The following SYNPR variants were observed in gnomAD, a reference collection of about 807,000 sequenced individuals.
The protein encoded by SYNPR is synaptoporin.
Under a neutral mutation model 32.9 loss-of-function variants are expected in SYNPR, and 23 were observed. That is an observed-to-expected ratio of 0.70 (90% CI 0.50 to 0.99). The LOEUF (loss-of-function observed/expected upper bound fraction) is 0.99, where lower values mean the gene tolerates loss of function less well. SYNPR is among the 50% of genes least tolerant of loss of function. The pLI, the probability that SYNPR is intolerant of heterozygous loss-of-function variation, is 0.00. For missense variants in SYNPR, 318 were observed against 349.3 expected (o/e 0.91, Z 0.71); for synonymous variants, 146 against 135.9 (o/e 1.07, Z -0.52).
intron 2 of SYNPR, among the ~76,000 whole-genome samples, chr3:63,322,867 A>G (rs1178421395): frequency 6.6e-6 from 1 of 152,114 alleles, no homozygotes; most frequent in Non-Finnish European, 1.5e-5. Context: ...GGAAGAGACT[A>G]CAAAATCAAG....
intron 2 of SYNPR, among the ~76,000 whole-genome samples, chr3:63,339,662 C>CTTT (rs34889673): frequency 1.4e-5 from 2 of 144,512 alleles, no homozygotes; most frequent in Non-Finnish European, 1.5e-5. Flanking sequence ...TCCTTGTGTT[C>CTTT]TTTTTTTTTT....
chr3:63,562,644 C>G (rs184418078), intron 4 of SYNPR, among the ~76,000 whole-genome samples: 1 of 152,130 alleles, frequency 6.6e-6, no homozygotes, highest in East Asian at 1.9e-4. Flanking sequence ...CTGGGAGAGA[C>G]GTAGTGCAAT....
chr3:63,342,227 G>A (rs2087379795), intron 2 of SYNPR, among the ~76,000 whole-genome samples: 1 of 152,124 alleles, frequency 6.6e-6, no homozygotes, highest in African/African-American at 2.4e-5. Flanking sequence ...TGTTTGCCTA[G>A]TCTTTCTCCA....
chr3:63,548,644 C>T (rs889856024), intron 3 of SYNPR, among the ~76,000 whole-genome samples: 10 of 152,110 alleles, frequency 6.6e-5, no homozygotes, highest in East Asian at 1.9e-4. Context: ...AAGTTCCTGT[C>T]GACTGGTAAA....
At chr3:63,383,721 G>A (rs2088005095) in intron 2 of SYNPR, among the ~76,000 whole-genome samples, 1 of 152,166 alleles carries the variant, frequency 6.6e-6, no homozygotes, top group Admixed American at 6.5e-5. Flanking sequence ...AAGAACAGGA[G>A]TGGGAAATAG....
intron 3 of SYNPR, among the ~76,000 whole-genome samples, chr3:63,533,319 T>C (rs1702142376): frequency 6.6e-6 from 1 of 152,180 alleles, no homozygotes; most frequent in African/African-American, 2.4e-5. Flanking sequence ...GGAAGAGAGC[T>C]CTGGAATACT....
chr3:63,502,929 T>C (rs1701510434), intron 3 of SYNPR, among the ~76,000 whole-genome samples: 1 of 152,200 alleles, frequency 6.6e-6, no homozygotes, highest in Admixed American at 6.5e-5. Context: ...GAAGCTACTA[T>C]AAACATCTCT....
intron 3 of SYNPR, among the ~76,000 whole-genome samples, chr3:63,503,323 GT>G (rs1172044285): frequency 1.3e-5 from 2 of 151,954 alleles, no homozygotes; most frequent in East Asian, 1.9e-4. Context: ...AGGTTTAGAA[GT>G]TTTTTGTGTA....
At chr3:63,202,064 A>G in the SYNPR span, among the ~76,000 whole-genome samples, 1 of 152,252 alleles carries the variant, frequency 6.6e-6, no homozygotes, top group Non-Finnish European at 1.5e-5. Context: ...CCCAGAATAT[A>G]TATTCAAAAG....
intron 1 of SYNPR, among the ~76,000 whole-genome samples, chr3:63,242,765 C>A (rs2086257912): frequency 6.6e-6 from 1 of 151,794 alleles, no homozygotes. Context: ...AATTTGCACA[C>A]TAATAAGAAC....
chr3:63,559,071 T>A (rs1575710578), intron 4 of SYNPR, among the ~76,000 whole-genome samples: 1 of 28,616 alleles, frequency 3.5e-5, no homozygotes, highest in Admixed American at 2.3e-4. Context: ...CAATACTTTC[T>A]TTTTTTTTTT....
At chr3:63,357,224 G>GGT (rs2087594985) in intron 2 of SYNPR, among the ~76,000 whole-genome samples, 1 of 152,030 alleles carries the variant, frequency 6.6e-6, no homozygotes, top group African/African-American at 2.4e-5. Flanking sequence ...CAGCTGCTCT[G>GGT]GTGCTCACAC....
chr3:63,261,801 C>G (rs1043082331), intron 2 of SYNPR, among the ~76,000 whole-genome samples: 1 of 150,714 alleles, frequency 6.6e-6, no homozygotes, highest in Admixed American at 6.6e-5. Flanking sequence ...ACCACATGTT[C>G]TCACTCATAG....
At chr3:63,428,481 CTATG>C (rs1575638754) in intron 2 of SYNPR, among the ~76,000 whole-genome samples, 1 of 152,214 alleles carries the variant, frequency 6.6e-6, no homozygotes, top group Admixed American at 6.5e-5. Context: ...TAGGTCAACT[CTATG>C]TATGCATGTT....
At chr3:63,589,574 G>T (rs945114755) in intron 4 of SYNPR, among the ~76,000 whole-genome samples, 5 of 150,540 alleles carry the variant, frequency 3.3e-5, no homozygotes, top group African/African-American at 9.8e-5. Flanking sequence ...CTGGCAAACC[G>T]AATCCAGCAG....
the SYNPR span, among the ~76,000 whole-genome samples, chr3:63,219,581 C>A: frequency 7.2e-5 from 11 of 152,186 alleles, no homozygotes; most frequent in Non-Finnish European, 1.0e-4. Context: ...TAGCCTACTG[C>A]TGACCAGATG....
chr3:63,387,839 C>T (rs1367535491), intron 2 of SYNPR, among the ~76,000 whole-genome samples: 1 of 152,198 alleles, frequency 6.6e-6, no homozygotes, highest in Non-Finnish European at 1.5e-5. Context: ...GACAAAGCTA[C>T]TGAGACCGAC....
intron 2 of SYNPR, among the ~76,000 whole-genome samples, chr3:63,285,715 G>C (rs780822870): frequency 3.0e-4 from 45 of 152,284 alleles, no homozygotes; most frequent in South Asian, 4.1e-4. Flanking sequence ...GGTCAGGAAT[G>C]CTTCTTATGG....
intron 2 of SYNPR, among the ~76,000 whole-genome samples, chr3:63,379,194 G>A (rs2087933234): frequency 2.0e-5 from 3 of 152,010 alleles, no homozygotes; most frequent in Admixed American, 6.6e-5. Context: ...AATTTGTTGA[G>A]TTTTGTTTTA....
Sources: gnomAD v4.1 joint callset for allele counts (sites outside exome capture counted in the v4.1 genomes callset) on GRCh38, gnomAD v4.1.1 for gene constraint, MANE v1.5 for transcripts, NCBI Gene and HGNC (gene_info 2026-07-23, HGNC 2026-07-21) for gene names.